Variants in ABTB2 observed in about 807,000 individuals in gnomAD.
The protein encoded by ABTB2 is ankyrin repeat and BTB/POZ domain-containing protein 2.
Under a neutral mutation model 104.1 loss-of-function variants are expected in ABTB2, and 56 were observed. That is an observed-to-expected ratio of 0.54 (90% CI 0.43 to 0.67). The LOEUF (loss-of-function observed/expected upper bound fraction) is 0.67, where lower values mean the gene tolerates loss of function less well. Among genes scored for constraint, ABTB2 ranks in the 30% least tolerant of loss-of-function variants. The probability of loss-of-function intolerance (pLI) is 0.00; values close to 1 mark genes in which losing one functional copy is unlikely to be tolerated. For missense variants in ABTB2, 1,279 were observed against 1,407.7 expected, an observed-to-expected ratio of 0.91 and a Z score of 1.46; for synonymous variants, 606 against 608.2, an observed-to-expected ratio of 1.00 and a Z score of 0.05.
intron 1 of ABTB2, chr11:34,335,931 C>T (rs1182494660): frequency 9.0e-6 from 6 of 665,712 alleles, no homozygotes; most frequent in South Asian, 1.8e-5. Flanking sequence ...GGATTGCCAA[C>T]GTTTTAACTA....
At chr11:34,251,303 G>A (rs968955729) in intron 1 of ABTB2, among the ~76,000 whole-genome samples, 5 of 152,240 alleles carry the variant, frequency 3.3e-5, no homozygotes, top group African/African-American at 4.8e-5. Context: ...GACAGGCAAG[G>A]AGCCTGCTCA....
At chr11:34,193,012 T>C (rs1853201158) in intron 3 of ABTB2, among the ~76,000 whole-genome samples, 1 of 152,198 alleles carries the variant, frequency 6.6e-6, no homozygotes, top group Non-Finnish European at 1.5e-5. Context: ...AGAAGGGTGA[T>C]GGCTGAGGAG....
chr11:34,335,418 T>G (rs1174191469), intron 1 of ABTB2: 21 of 797,480 alleles, frequency 2.6e-5, no homozygotes, highest in Non-Finnish European at 4.5e-5. Flanking sequence ...CACTTCTCTT[T>G]CAGTTTCTAC....
chr11:34,336,984 T>G (rs533171527), intron 1 of ABTB2, among the ~76,000 whole-genome samples: 2 of 151,890 alleles, frequency 1.3e-5, no homozygotes, highest in East Asian at 3.9e-4. Flanking sequence ...CACCGAGATA[T>G]GAAGTAATTT....
At chr11:34,159,874 G>A in intron 13 of ABTB2, 32 bp downstream of exon 13, 1 of 1,543,814 alleles carries the variant, frequency 6.5e-7, no homozygotes, top group South Asian at 1.1e-5. Context: ...CTGTGCCCCT[G>A]GGCTGGGAGT....
chr11:34,197,690 G>A (rs1853279990), intron 2 of ABTB2, 152 bp from the exon 3 acceptor site: 2 of 613,924 alleles, frequency 3.3e-6, no homozygotes, highest in South Asian at 2.0e-5. Flanking sequence ...ACAGGCGGAG[G>A]TGGAAACTGT....
In ABTB2 at chr11:34,204,530, G is replaced by A. The variant is rs746882310; in HGVS notation, c.1030+14C>T. On this transcript the variant is annotated intron_variant, in intron 2 of 16. Transcript: ENST00000435224. Reference sequence around the variant, plus strand: ...TTGCTCTACCATCCAGCTAGACACTGAGGCCACACTTACTCAGCTCCGAGA... The same window carrying A: ...TTGCTCTACCATCCAGCTAGACACTAAGGCCACACTTACTCAGCTCCGAGA... 6.3e-7 allele frequency: 1 copy of A among 1,590,744 alleles called. No individual in the cohort carries two copies. The highest frequency in any genetic ancestry group is 8.5e-7 in the Non-Finnish European group (1 of 1,169,764).
chr11:34,201,274 G>C (rs894576486), intron 2 of ABTB2, among the ~76,000 whole-genome samples: 2 of 151,920 alleles, frequency 1.3e-5, no homozygotes, highest in African/African-American at 4.8e-5. Flanking sequence ...CTCCCCCCTT[G>C]TTAACCATGA....
At position 34,171,002 on chromosome 11, in the gene ABTB2, G is replaced by T. The variant is rs1046418055; in HGVS notation, c.1467C>A (p.Asp489Glu). The change falls in exon 5 of 17, where the codon GAC becomes GAA. Residue 489 changes from aspartate to glutamate, a missense_variant. Asp to Glu is a conservative substitution (Grantham distance 45, BLOSUM62 2). Transcript: ENST00000435224. The part of the protein sequence containing the change: ...ARAATEKFNQ[D>E]LGFRMLNCGR... ...CACAGTTGAGCATGCGGAAACCCAGGTCCTGGTTGAATTTTTCAGTAGCTG... is the reference window on the plus strand; with the variant it reads ...CACAGTTGAGCATGCGGAAACCCAGTTCCTGGTTGAATTTTTCAGTAGCTG... The T allele has an allele frequency of 6.2e-7, 1 of 1,614,070 alleles. No individual in the cohort carries two copies. The highest frequency in any genetic ancestry group is 8.5e-7 in the Non-Finnish European group (1 of 1,180,042).
intron 1 of ABTB2, among the ~76,000 whole-genome samples, chr11:34,256,277 A>G (rs1320061972): frequency 6.6e-6 from 1 of 152,172 alleles, no homozygotes; most frequent in Admixed American, 6.5e-5. Flanking sequence ...CCCAGCCACT[A>G]GTGACCAGTG....
At chr11:34,337,722 A>G (rs191193010) in intron 1 of ABTB2, among the ~76,000 whole-genome samples, 174 of 152,290 alleles carry the variant, frequency 1.1e-3, no homozygotes, top group African/African-American at 3.7e-3. Context: ...CTGCATGCAA[A>G]TCACTAGTGT....
rs557229241 is a variant in ABTB2, at chr11:34,357,217, C to G, written c.367G>C (p.Glu123Gln). The change falls in exon 1 of 17, where the codon GAG becomes CAG. Residue 123 changes from glutamate (E) to glutamine (Q), a missense_variant. Glu to Gln is a conservative substitution (Grantham distance 29, BLOSUM62 2). Coordinates refer to ENST00000435224, the MANE Select transcript of ABTB2 (RefSeq NM_145804.3). ...GGRRLPQFSA[E>Q]AVRRLAGLLR... ...AGCCCGGCCAGGCGCCTCACCGCCT[C>G]GGCGGAGAACTGGGGCAGCCGCCGG... 2.9e-3 allele frequency: 4,415 copies of G among 1,509,612 alleles called. 10 individuals carry two copies. The highest frequency in any genetic ancestry group is 3.9e-3 in the Middle Eastern group (21 of 5,366). 93.5% of individuals were successfully genotyped at this position (1,509,612 alleles called of 1,614,324 possible).
intron 1 of ABTB2, among the ~76,000 whole-genome samples, chr11:34,274,145 C>G (rs193062920): frequency 9.4e-6 from 1 of 106,050 alleles, no homozygotes; most frequent in Non-Finnish European, 1.7e-5. Flanking sequence ...GGCGACAGAG[C>G]GAGACTCCGT....
chr11:34,292,074 T>C (rs1854569934), intron 1 of ABTB2, among the ~76,000 whole-genome samples: 1 of 152,132 alleles, frequency 6.6e-6, no homozygotes, highest in African/African-American at 2.4e-5. Context: ...ATCTACCAAA[T>C]TAGGGAAGGG....
chr11:34,350,754 T>C (rs964556966), intron 1 of ABTB2, among the ~76,000 whole-genome samples: 2 of 152,238 alleles, frequency 1.3e-5, no homozygotes, highest in Admixed American at 1.3e-4. Flanking sequence ...AGTTTGACCC[T>C]AGCTGCCATC....
At chr11:34,162,925 G>T in intron 9 of ABTB2, 120 bp from the exon 10 acceptor site, 1 of 947,642 alleles carries the variant, frequency 1.1e-6, no homozygotes, top group Non-Finnish European at 1.6e-6. Context: ...AGGGCTCGGA[G>T]TTTCATGGTC....
chr11:34,151,376 A>C lies in ABTB2; in HGVS notation c.*1011T>G, dbSNP rs1382784367. ...CAAGGCCGTGAGGGGACACAGCAGAAAGGCCTCTTCTCCTGGCCCTTACCT... is the reference window on the plus strand; with the variant it reads ...CAAGGCCGTGAGGGGACACAGCAGACAGGCCTCTTCTCCTGGCCCTTACCT... On this transcript the variant is annotated 3_prime_UTR_variant, in exon 17 of 17. Transcript: ENST00000435224. The C allele has an allele frequency of 6.6e-6, 1 of 152,260 alleles. No homozygotes were observed. The highest frequency in any genetic ancestry group is 6.5e-5 in the Admixed American group (1 of 15,282). 9.4% of individuals were successfully genotyped at this position (152,260 alleles called of 1,614,324 possible).
At chr11:34,290,794 C>T (rs190975960) in intron 1 of ABTB2, among the ~76,000 whole-genome samples, 4 of 152,298 alleles carry the variant, frequency 2.6e-5, no homozygotes, top group Admixed American at 1.3e-4. Flanking sequence ...GTCTTGAACA[C>T]GGATGGATAA....
chr11:34,207,505 CT>C (rs1401960927), intron 1 of ABTB2, among the ~76,000 whole-genome samples: 1 of 152,172 alleles, frequency 6.6e-6, no homozygotes, highest in Non-Finnish European at 1.5e-5. Flanking sequence ...TTTTAAATGA[CT>C]TTTTACATCT....
Sources: gnomAD v4.1 joint callset for allele counts (sites outside exome capture counted in the v4.1 genomes callset) on GRCh38, gnomAD v4.1.1 for gene constraint, MANE v1.5 for transcripts, NCBI Gene and HGNC (gene_info 2026-07-23, HGNC 2026-07-21) for gene names.